The following CPSF7 variants were observed in gnomAD, a reference collection of about 807,000 sequenced individuals.
The protein encoded by CPSF7 is cleavage and polyadenylation specificity factor subunit 7.
In CPSF7, 1 loss-of-function variant was observed where a neutral mutation model predicts 44.3. The ratio of observed to expected loss-of-function variants is 0.02; its 90% confidence interval spans 0.01 to 0.11. The LOEUF (loss-of-function observed/expected upper bound fraction) is 0.11, where lower values mean the gene tolerates loss of function less well. Ranked by LOEUF, CPSF7 falls within the 10% of genes least tolerant of loss-of-function variation. CPSF7 has a pLI of 1.00. For missense variants in CPSF7, 443 were observed against 607.2 expected (o/e 0.73, Z 2.84); for synonymous variants, 202 against 222.0 (o/e 0.91, Z 0.80).
At chr11:61,424,918 T>C (rs549590045) in intron 2 of CPSF7, among the ~76,000 whole-genome samples, 1 of 152,254 alleles carries the variant, frequency 6.6e-6, no homozygotes, top group South Asian at 2.1e-4. Context: ...TCACTGAAAA[T>C]TGAGTAGTGG....
At chr11:61,429,664 C>A in intron 1 of CPSF7, 3 of 1,394,310 alleles carry the variant, frequency 2.2e-6, no homozygotes, top group East Asian at 2.5e-5. Flanking sequence ...CGGCCAGAGC[C>A]CCCAGGTGTC....
At chr11:61,407,185 A>G (rs866164239) in intron 9 of CPSF7, among the ~76,000 whole-genome samples, 1 of 152,194 alleles carries the variant, frequency 6.6e-6, no homozygotes, top group Non-Finnish European at 1.5e-5. Context: ...TCCCTGTCAT[A>G]AGGCTGTCAG....
intron 7 of CPSF7, among the ~76,000 whole-genome samples, chr11:61,415,409 G>A (rs927168802): frequency 3.9e-5 from 6 of 152,050 alleles, no homozygotes; most frequent in African/African-American, 7.2e-5. Flanking sequence ...ACACCACATC[G>A]AGATGGTATT....
chr11:61,417,829 G>T (rs573135044), intron 5 of CPSF7, among the ~76,000 whole-genome samples: 1 of 152,200 alleles, frequency 6.6e-6, no homozygotes, highest in Non-Finnish European at 1.5e-5. Flanking sequence ...CCCAAAAGAC[G>T]CAACATTTCT....
intron 9 of CPSF7, among the ~76,000 whole-genome samples, chr11:61,406,424 G>T (rs2135235937): frequency 6.6e-6 from 1 of 152,348 alleles, no homozygotes; most frequent in African/African-American, 2.4e-5. Flanking sequence ...TTCCCAACAT[G>T]AAACTTCCTA....
intron 2 of CPSF7, 138 bp from the exon 3 acceptor site, chr11:61,421,746 G>GT: frequency 1.6e-6 from 1 of 638,330 alleles, no homozygotes; most frequent in South Asian, 2.0e-5. Context: ...AGGAAACAAA[G>GT]TAAGAAAAAC....
chr11:61,428,846 T>C (rs1403068127), intron 2 of CPSF7: 1 of 176,454 alleles, frequency 5.7e-6, no homozygotes, highest in South Asian at 1.3e-4. Context: ...TCCTCATGAA[T>C]ACCGTAGCAA....
At chr11:61,428,915 G>A (rs1861654806) in intron 2 of CPSF7, 1 of 261,376 alleles carries the variant, frequency 3.8e-6, no homozygotes, top group African/African-American at 2.2e-5. Flanking sequence ...TTCCTGGGGA[G>A]TAAATTCCAC....
intron 2 of CPSF7, among the ~76,000 whole-genome samples, chr11:61,425,785 G>C (rs1459115973): frequency 1.3e-5 from 2 of 152,100 alleles, no homozygotes; most frequent in African/African-American, 2.4e-5. Flanking sequence ...ACTGTACATT[G>C]TCGTTGTCCA....
At position 61,411,004 on chromosome 11, in the gene CPSF7, A is replaced by G; in HGVS notation, c.1328T>C (p.Phe443Ser). 1 of 1,613,766 alleles carries G rather than the reference A, an allele frequency of 6.2e-7. No individual in the cohort carries two copies. The highest frequency in any genetic ancestry group is 1.1e-5 in the South Asian group (1 of 91,048). ...LHNEDRHDDY[F>S]QERNREHERH... ...CTCATGCTCCCGGTTCCTTTCTTGG[A>G]AATAATCATCATGCCGATCTTCATT... Residue 443 changes from phenylalanine to serine, a missense_variant, in exon 9 of 10, where the codon TTC becomes TCC. Physicochemically the swap from Phe to Ser is radical, Grantham distance 155. Coordinates refer to ENST00000439958, the MANE Select transcript of CPSF7 (RefSeq NM_001142565.3).
intron 5 of CPSF7, among the ~76,000 whole-genome samples, chr11:61,417,678 T>C (rs1159614109): frequency 1.3e-5 from 2 of 152,210 alleles, no homozygotes; most frequent in African/African-American, 2.4e-5. Flanking sequence ...CTCAAACACA[T>C]GGCAACTGGC....
chr11:61,419,942 C>G lies in CPSF7; in HGVS notation c.523+7G>C, dbSNP rs781051608. Reference sequence around the variant, plus strand: ...CGTACCCCCTCTTGGGACTCGGACACACTCACGTTTCCGAGCCTGTGCCTC... The same window carrying G: ...CGTACCCCCTCTTGGGACTCGGACAGACTCACGTTTCCGAGCCTGTGCCTC... On this transcript the variant is annotated splice_region_variant and intron_variant, in intron 5 of 9. Transcript: ENST00000439958. The G allele has an allele frequency of 6.2e-7, 1 of 1,613,810 alleles. No homozygotes were observed. Among genetic ancestry groups the G allele is most frequent in the South Asian group, 1.1e-5 (1 of 91,036 alleles).
intron 5 of CPSF7, 177 bp downstream of exon 5, chr11:61,419,772 T>C (rs1340992391): frequency 3.1e-5 from 22 of 715,762 alleles, no homozygotes; most frequent in Middle Eastern, 4.1e-4. Context: ...TTCTTCTATA[T>C]AGACCTATTC....
At chr11:61,411,447 C>T (rs1859839468) in intron 8 of CPSF7, among the ~76,000 whole-genome samples, 1 of 152,108 alleles carries the variant, frequency 6.6e-6, no homozygotes, top group Admixed American at 6.5e-5. Context: ...AACTTCCATA[C>T]ACAAGAAGGT....
intron 2 of CPSF7, among the ~76,000 whole-genome samples, chr11:61,423,802 ACT>A (rs781039237): frequency 1.3e-5 from 2 of 152,100 alleles, no homozygotes; most frequent in Non-Finnish European, 2.9e-5. Context: ...TAAAAAATTT[ACT>A]CTTAGACCAG....
In CPSF7 at chr11:61,415,161, C is replaced by A. The variant is rs553813045; in HGVS notation, c.1057+505G>T. ...GCTGAGGCAGGAGAATCGCTTGAAA[C>A]CAGGAGGTGGAGGCTGTAGTGAGCC... On this transcript the variant is annotated intron_variant, in intron 7 of 9. Transcript: ENST00000439958. 2.6e-5 allele frequency among the ~76,000 whole-genome samples: 4 copies of A among 152,244 alleles called. No individual in the cohort carries two copies. In the South Asian group the frequency reaches 8.3e-4, roughly 32 times the overall value.
rs1210362540 is a variant in CPSF7, at chr11:61,404,043, T to A, written c.*667A>T. 6.6e-6 allele frequency: 1 copy of A among 152,570 alleles called. No homozygotes were observed. Among genetic ancestry groups the A allele is most frequent in the Non-Finnish European group, 1.5e-5 (1 of 68,026 alleles). 9.5% of individuals were successfully genotyped at this position (152,570 alleles called of 1,614,324 possible). On this transcript the variant is annotated 3_prime_UTR_variant, in exon 10 of 10. Coordinates refer to ENST00000439958, the MANE Select transcript of CPSF7 (RefSeq NM_001142565.3). ...GGAGGGGCAAGTCCACTGAGAAGGC[T>A]GGGCAGCGCAGAGTTGAAAGAGTTC...
chr11:61,428,039 G>C (rs1445389942), intron 2 of CPSF7, among the ~76,000 whole-genome samples: 1 of 152,328 alleles, frequency 6.6e-6, no homozygotes, highest in East Asian at 1.9e-4. Flanking sequence ...AATGGGAAGA[G>C]CCAGCTTACT....
chr11:61,409,701 C>T (rs1859676185), intron 9 of CPSF7, among the ~76,000 whole-genome samples: 1 of 147,510 alleles, frequency 6.8e-6, no homozygotes, highest in Non-Finnish European at 1.5e-5. Flanking sequence ...CTCGGCCAGG[C>T]ATGGTGGCTC....
Sources: allele counts gnomAD v4.1 joint callset (sites outside exome capture counted in the v4.1 genomes callset), GRCh38; gene constraint gnomAD v4.1.1; transcripts MANE v1.5; gene names NCBI Gene and HGNC (gene_info 2026-07-23, HGNC 2026-07-21).